The following NALF1 variants were observed in gnomAD, a reference collection of about 807,000 sequenced individuals.
The protein encoded by NALF1 is NALCN channel auxiliary factor 1, also known as family with sequence similarity 155 member A.
In NALF1, 3 loss-of-function variants were observed where a neutral mutation model predicts 48.4. The observed-to-expected ratio is 0.06, with a 90% CI of 0.03 to 0.16. The LOEUF (loss-of-function observed/expected upper bound fraction) is 0.16, where lower values mean the gene tolerates loss of function less well. Among genes scored for constraint, NALF1 ranks in the 10% least tolerant of loss-of-function variants. The probability of loss-of-function intolerance (pLI) is 1.00; values close to 1 mark genes in which losing one functional copy is unlikely to be tolerated. For missense variants in NALF1, 526 were observed against 571.5 expected (o/e 0.92, Z 0.81); for synonymous variants, 262 against 245.7 (o/e 1.07, Z -0.62).
chr13:107,660,358 C>A (rs1880694762), intron 1 of NALF1, among the ~76,000 whole-genome samples: 1 of 150,592 alleles, frequency 6.6e-6, no homozygotes, highest in African/African-American at 2.4e-5. Context: ...TTGCTTGAAC[C>A]TGGGGGCAGA....
At chr13:107,433,975 T>C (rs576095470) in intron 1 of NALF1, among the ~76,000 whole-genome samples, 1 of 152,154 alleles carries the variant, frequency 6.6e-6, no homozygotes, top group Admixed American at 6.5e-5. Context: ...ATTGCTATGT[T>C]ACTAGAAAAT....
intron 1 of NALF1, among the ~76,000 whole-genome samples, chr13:107,512,623 CAGGG>C (rs1875928900): frequency 6.6e-6 from 1 of 152,116 alleles, no homozygotes; most frequent in Non-Finnish European, 1.5e-5. Flanking sequence ...ACCCCACAGG[CAGGG>C]AGGGGCAGCT....
At chr13:107,562,818 G>T (rs1877686446) in intron 1 of NALF1, among the ~76,000 whole-genome samples, 1 of 152,192 alleles carries the variant, frequency 6.6e-6, no homozygotes, top group Non-Finnish European at 1.5e-5. Context: ...TGAAACAGGA[G>T]TGAGTGCTAT....
rs1387802760 is a variant in NALF1 at position 107,782,408 on chromosome 13, T to A, written c.915+83274A>T. 8.5e-5 allele frequency among the ~76,000 whole-genome samples: 13 copies of A among 152,136 alleles called. No homozygotes were observed. The South Asian group carries it at 2.7e-3, about 32-fold the overall frequency. ...GGCGTGATCTCGGCTCGCTACAACCTCCACCTCCCAGCCGCCTGCCTTGGC... is the reference window on the plus strand; with the variant it reads ...GGCGTGATCTCGGCTCGCTACAACCACCACCTCCCAGCCGCCTGCCTTGGC... On this transcript the variant is annotated intron_variant, in intron 1 of 2. Coordinates refer to ENST00000375915, the MANE Select transcript of NALF1 (RefSeq NM_001080396.3).
intron 2 of NALF1, among the ~76,000 whole-genome samples, chr13:107,200,968 G>A (rs1269554427): frequency 2.6e-5 from 4 of 152,144 alleles, no homozygotes; most frequent in Non-Finnish European, 1.5e-5. Flanking sequence ...GGGCCAGGGG[G>A]ACCGAGTGAA....
At chr13:107,840,280 T>C (rs1425402339) in intron 1 of NALF1, among the ~76,000 whole-genome samples, 1 of 152,158 alleles carries the variant, frequency 6.6e-6, no homozygotes, top group Non-Finnish European at 1.5e-5. Flanking sequence ...TAGGTCAGGG[T>C]TATTGTTAGC....
intron 1 of NALF1, among the ~76,000 whole-genome samples, chr13:107,324,164 TG>T (rs1882306423): frequency 2.0e-5 from 3 of 152,262 alleles, no homozygotes; most frequent in Admixed American, 2.0e-4. Flanking sequence ...GGCTTTAGAG[TG>T]TTTTCATTTG....
intron 1 of NALF1, among the ~76,000 whole-genome samples, chr13:107,854,782 G>A (rs1880401455): frequency 6.6e-6 from 1 of 151,260 alleles, no homozygotes; most frequent in Non-Finnish European, 1.5e-5. Flanking sequence ...GCTGACGCAG[G>A]AGAATTGCTT....
At chr13:107,456,901 T>C (rs367929409) in intron 1 of NALF1, among the ~76,000 whole-genome samples, 181 of 152,310 alleles carry the variant, frequency 1.2e-3, no homozygotes, top group African/African-American at 4.2e-3. Flanking sequence ...AAGTTATCTA[T>C]CACCTTCAAG....
At chr13:107,696,297 T>C (rs549524730) in intron 1 of NALF1, among the ~76,000 whole-genome samples, 2 of 152,360 alleles carry the variant, frequency 1.3e-5, no homozygotes, top group East Asian at 1.9e-4. Context: ...GTAAAAGATA[T>C]ACTATTGTAA....
At chr13:107,274,210 T>A (rs1881232698) in intron 1 of NALF1, among the ~76,000 whole-genome samples, 1 of 152,170 alleles carries the variant, frequency 6.6e-6, no homozygotes, top group Non-Finnish European at 1.5e-5. Context: ...AGTCATTTTC[T>A]TTTTAGAACA....
intron 1 of NALF1, among the ~76,000 whole-genome samples, chr13:107,369,241 T>C (rs530256919): frequency 1.3e-5 from 2 of 152,336 alleles, no homozygotes; most frequent in South Asian, 4.1e-4. Flanking sequence ...TCCATCTCTA[T>C]ATTTATGTTT....
chr13:107,479,306 TC>T (rs1885218271), intron 1 of NALF1, among the ~76,000 whole-genome samples: 1 of 152,174 alleles, frequency 6.6e-6, no homozygotes, highest in South Asian at 2.1e-4. Flanking sequence ...ACTCCTGGCA[TC>T]ATAACTATTA....
At chr13:107,439,686 T>C (rs1884525154) in intron 1 of NALF1, among the ~76,000 whole-genome samples, 1 of 152,220 alleles carries the variant, frequency 6.6e-6, no homozygotes, top group South Asian at 2.1e-4. Flanking sequence ...TCTTGTTAGG[T>C]AACTTTTCTT....
At chr13:107,464,181 T>G (rs555514444) in intron 1 of NALF1, among the ~76,000 whole-genome samples, 1 of 151,988 alleles carries the variant, frequency 6.6e-6, no homozygotes, top group African/African-American at 2.4e-5. Flanking sequence ...AATGTCTATT[T>G]TTCTCATATG....
chr13:107,505,729 G>A (rs1875676881), intron 1 of NALF1, among the ~76,000 whole-genome samples: 1 of 152,188 alleles, frequency 6.6e-6, no homozygotes, highest in Non-Finnish European at 1.5e-5. Flanking sequence ...ATGGTCAAGA[G>A]AGCTTCATAG....
chr13:107,257,517 G>A (rs1880842709), intron 1 of NALF1, among the ~76,000 whole-genome samples: 1 of 119,220 alleles, frequency 8.4e-6, no homozygotes, highest in Admixed American at 9.1e-5. Context: ...CTTTGAATTT[G>A]ATATCATCTA....
At chr13:107,711,070 C>T (rs1875576123) in intron 1 of NALF1, among the ~76,000 whole-genome samples, 1 of 152,120 alleles carries the variant, frequency 6.6e-6, no homozygotes, top group South Asian at 2.1e-4. Flanking sequence ...TTCTTTATCC[C>T]TCCAACTAAT....
In NALF1 at chr13:107,637,061, A is replaced by G. The variant is rs527757917; in HGVS notation, c.915+228621T>C. Among the ~76,000 whole-genome samples, 38 of 151,954 alleles carry G rather than the reference A, an allele frequency of 2.5e-4. 1 individual carries two copies. The South Asian group carries it at 6.8e-3, about 27-fold the overall frequency. On this transcript the variant is annotated intron_variant, in intron 1 of 2. Transcript: ENST00000375915. ...TACGGTATCAGTACAGTAAGATGCT[A>G]TACAGATTTGCAGCCTAGGAGCATT...
Sources: allele counts gnomAD v4.1 joint callset (sites outside exome capture counted in the v4.1 genomes callset), GRCh38; gene constraint gnomAD v4.1.1; transcripts MANE v1.5; gene names NCBI Gene and HGNC (gene_info 2026-07-23, HGNC 2026-07-21).